The following TMEM151B variants were observed in gnomAD, a reference collection of about 807,000 sequenced individuals.
TMEM151B encodes the protein transmembrane protein 193.
A neutral mutation model predicts 33.0 loss-of-function variants in TMEM151B; 18 were observed. The observed-to-expected ratio is 0.55, with a 90% CI of 0.38 to 0.81. TMEM151B has a LOEUF of 0.81. Among genes scored for constraint, TMEM151B ranks in the 30% least tolerant of loss-of-function variants. TMEM151B has a pLI of 0.00. For missense variants in TMEM151B, 672 were observed against 843.4 expected (o/e 0.80, Z 2.52); for synonymous variants, 354 against 373.6 (o/e 0.95, Z 0.61).
Position 44,273,161 on chromosome 6 carries a change from G to A in TMEM151B, c.231G>A (p.Gly77=), listed in dbSNP as rs752484574. The part of the protein sequence containing the change: ...LLSLLMYGCL[G]AVAWCHVTTV... ...CGCTGCTCATGTACGGCTGCCTGGGGGCAGTGGCCTGGTGCCACGTCACCA... is the reference window on the plus strand; with the variant it reads ...CGCTGCTCATGTACGGCTGCCTGGGAGCAGTGGCCTGGTGCCACGTCACCA... The change falls in exon 2 of 3, where the codon GGG becomes GGA. Residue 77 remains glycine, a synonymous_variant. Coordinates refer to ENST00000451188, the MANE Select transcript of TMEM151B (RefSeq NM_001137560.2). 1.9e-6 allele frequency: 3 copies of A among 1,545,332 alleles called. No individual in the cohort carries two copies. The highest frequency in any genetic ancestry group is 4.9e-5 in the East Asian group (2 of 40,766).
Position 44,276,991 on chromosome 6 carries a change from G to C in TMEM151B, c.*464G>C, listed in dbSNP as rs1340827293. 6.5e-6 allele frequency: 1 copy of C among 154,600 alleles called. No homozygotes were observed. The highest frequency in any genetic ancestry group is 2.4e-5 in the African/African-American group (1 of 41,564). The allele number at this position is 154,600 out of a possible 1,614,324, so 9.6% of individuals were successfully genotyped here. On this transcript the variant is annotated 3_prime_UTR_variant, in exon 3 of 3. Transcript: ENST00000451188. ...CCCTGGGGCCTCTCTCTATGGAGGG[G>C]GCAATGGTTTGGTGACCAGCAGGCT...
chr6:44,274,198 A>AAAAAAT (rs1189024804), intron 2 of TMEM151B, among the ~76,000 whole-genome samples: 1 of 152,220 alleles, frequency 6.6e-6, no homozygotes, highest in Non-Finnish European at 1.5e-5. Context: ...ATCTCAAAAA[A>AAAAAAT]AAAAATAAAA....
At chr6:44,274,889 C>T (rs1561917811) in intron 2 of TMEM151B, among the ~76,000 whole-genome samples, 1 of 151,996 alleles carries the variant, frequency 6.6e-6, no homozygotes, top group Non-Finnish European at 1.5e-5. Flanking sequence ...GAGGCCGAGG[C>T]GGGTGGATCA....
chr6:44,271,028 C>G (rs563050616), intron 1 of TMEM151B, among the ~76,000 whole-genome samples, 151 bp downstream of exon 1: 3 of 149,060 alleles, frequency 2.0e-5, no homozygotes, highest in Non-Finnish European at 3.0e-5. Flanking sequence ...CCGCCGCCCC[C>G]ACCCGGCGGC....
Position 44,273,476 on chromosome 6 carries a change from C to A in TMEM151B, c.546C>A (p.Tyr182Ter), listed in dbSNP as rs1332120643. ...GCCGCACCCGCCAGGTCACCAGATA[C>A]CGCAATGGAGACGCCTATACCACCA... is the stretch of plus-strand genomic sequence containing the variant. ...YVRRTRQVTR[Y>*]RNGDAYTTTQ... The change falls in exon 2 of 3, where the codon TAC (tyrosine) becomes TAA (stop). Residue 182 changes from tyrosine to a stop codon, truncating the protein, a stop_gained. Transcript: ENST00000451188. LOFTEE classifies it high-confidence loss of function. 1.9e-6 allele frequency: 3 copies of A among 1,549,970 alleles called. No homozygotes were observed. Among genetic ancestry groups the A allele is most frequent in the Non-Finnish European group, 2.6e-6 (3 of 1,146,278 alleles).
In TMEM151B at chr6:44,276,469, T is replaced by A. The variant is rs1282305440; in HGVS notation, c.1643T>A (p.Leu548Gln). 2.0e-6 allele frequency: 3 copies of A among 1,473,148 alleles called. No homozygotes were observed. The highest frequency in any genetic ancestry group is 2.9e-5 in the African/African-American group (2 of 69,306). The allele number at this position is 1,473,148 out of a possible 1,614,324, so 91.3% of individuals were successfully genotyped here. ...ATCGTCCACCGGCAGGAGGGGTGTCTGGGCCACAGCCACCGGCCGCTGCAC... is the reference window on the plus strand; with the variant it reads ...ATCGTCCACCGGCAGGAGGGGTGTCAGGGCCACAGCCACCGGCCGCTGCAC... ...VLIVHRQEGC[L>Q]GHSHRPLHRH... Residue 548 changes from leucine (L) to glutamine (Q), a missense_variant, in exon 3 of 3, where the codon CTG becomes CAG. By Grantham distance (113) the Leu-to-Gln change is moderately radical (BLOSUM62 -2). This residue lies in a region of TMEM151B where 324 missense variants were observed against 363.1 expected (regional missense o/e 0.89). Transcript: ENST00000451188.
Position 44,273,400 on chromosome 6 carries a change from A to G in TMEM151B, c.470A>G (p.Gln157Arg), listed in dbSNP as rs1000558130. ...SSVRERVGRM[Q>R]QATPCIWWKA... ...GTGCGGGAACGTGTGGGCCGCATGC[A>G]GCAAGCCACGCCCTGCATCTGGTGG... Residue 157 changes from glutamine (Q) to arginine (R), a missense_variant, in exon 2 of 3, where the codon CAG (glutamine) becomes CGG (arginine). Transcript: ENST00000451188. The G allele has an allele frequency of 3.5e-5, 55 of 1,551,136 alleles. No individual in the cohort carries two copies. Among genetic ancestry groups the G allele is most frequent in the Non-Finnish European group, 4.7e-5 (54 of 1,147,004 alleles).
chr6:44,272,381 C>T (rs1782398195), intron 1 of TMEM151B, among the ~76,000 whole-genome samples: 1 of 152,056 alleles, frequency 6.6e-6, no homozygotes, highest in Admixed American at 6.6e-5. Context: ...GAGGGAGACT[C>T]ACAGGGGAAC....
rs1561918138 is a variant in TMEM151B, at chr6:44,275,459, C to T, written c.633C>T (p.Arg211=). ...CGGAGGCTGAGTTCGACTACGCGCG[C>T]TGCGGCGTTCGCGACGTGTCCAAGA... The part of the protein sequence containing the change: ...HVAEAEFDYA[R]CGVRDVSKTL... The change falls in exon 3 of 3, where the codon CGC becomes CGT. Residue 211 remains arginine, a synonymous_variant. Coordinates refer to ENST00000451188, the MANE Select transcript of TMEM151B (RefSeq NM_001137560.2). 1.9e-6 allele frequency: 3 copies of T among 1,544,948 alleles called. No individual in the cohort carries two copies. Among genetic ancestry groups the T allele is most frequent in the South Asian group, 2.4e-5 (2 of 83,870 alleles).
rs1463380672 is a variant in TMEM151B at position 44,270,972 on chromosome 6, G to GCCGGCGCCCCGCAC, written c.135+98_135+111dup. 3.4e-6 allele frequency: 3 copies of GCCGGCGCCCCGCAC among 889,842 alleles called. No individual in the cohort carries two copies. The African/African-American group carries it at 5.5e-5, about 16-fold the overall frequency. 55.1% of individuals were successfully genotyped at this position (889,842 alleles called of 1,614,324 possible). ...CCCCCGCTGGTTCCGCCGCAGCGCGGCCGGCGCCCCGCACCCCGAGCCGGC... is the reference window on the plus strand; with the variant it reads ...CCCCCGCTGGTTCCGCCGCAGCGCGGCCGGCGCCCCGCACCCGGCGCCCCGCACCCCGAGCCGGC... On this transcript the variant is annotated intron_variant, in intron 1 of 2. Coordinates refer to ENST00000451188, the MANE Select transcript of TMEM151B (RefSeq NM_001137560.2).
intron 2 of TMEM151B, 129 bp from the exon 3 acceptor site, chr6:44,275,274 T>A (rs1043043295): frequency 1.4e-6 from 2 of 1,424,422 alleles, no homozygotes; most frequent in African/African-American, 2.9e-5. Context: ...AGCCGGCACC[T>A]AAACCAAGAC....
At chr6:44,272,907 A>G (rs897333793) in intron 1 of TMEM151B, among the ~76,000 whole-genome samples, 159 bp from the exon 2 acceptor site, 7 of 151,354 alleles carry the variant, frequency 4.6e-5, no homozygotes, top group Non-Finnish European at 8.8e-5. Flanking sequence ...CCTGGCTCCC[A>G]TCTTGGTCTC....
rs750035513 is a variant in TMEM151B, at chr6:44,275,723, G to C, written c.897G>C (p.Ser299=). The C allele has an allele frequency of 1.9e-6, 3 of 1,549,048 alleles. No homozygotes were observed. Among genetic ancestry groups the C allele is most frequent in the African/African-American group, 2.7e-5 (2 of 73,014 alleles). The change falls in exon 3 of 3, where the codon TCG becomes TCC. Residue 299 remains serine, a synonymous_variant. Transcript: ENST00000451188. The stretch of plus-strand genomic sequence containing the variant: ...CCCGGCCGCCCTGGTACGCCTGCTC[G>C]TCGGCCTTCTGGGCCGCGGCGCTGC... The part of the protein sequence containing the change: ...DPARPPWYAC[S]SAFWAAALLT...
Position 44,275,994 on chromosome 6 carries a change from G to A in TMEM151B, c.1168G>A (p.Ala390Thr). 7.0e-7 allele frequency: 1 copy of A among 1,431,854 alleles called. No homozygotes were observed. Among genetic ancestry groups the A allele is most frequent in the East Asian group, 2.7e-5 (1 of 37,732 alleles). The allele number at this position is 1,431,854 out of a possible 1,614,324, so 88.7% of individuals were successfully genotyped here. ...GCAGCTGGTGCCCAGCTACTCTGAGGCGGTGCTCATGGACCTGGCGGGGCT... is the reference window on the plus strand; with the variant it reads ...GCAGCTGGTGCCCAGCTACTCTGAGACGGTGCTCATGGACCTGGCGGGGCT... ...NQQLVPSYSE[A>T]VLMDLAGLGT... The change falls in exon 3 of 3, where the codon GCG (alanine) becomes ACG (threonine). Residue 390 changes from alanine to threonine, a missense_variant. By Grantham distance (58) the Ala-to-Thr change is moderately conservative. This residue lies in a region of TMEM151B where 324 missense variants were observed against 363.1 expected (regional missense o/e 0.89). Coordinates refer to ENST00000451188, the MANE Select transcript of TMEM151B (RefSeq NM_001137560.2).
Position 44,276,572 on chromosome 6 carries a change from C to T in TMEM151B, c.*45C>T, listed in dbSNP as rs1442353078. On this transcript the variant is annotated 3_prime_UTR_variant, in exon 3 of 3. Transcript: ENST00000451188. The stretch of plus-strand genomic sequence containing the variant: ...CCGCGCCGTCCTCCCGCCTGCCCCT[C>T]GCCGGACTGTGCTCCCTCTGCGACG... The T allele has an allele frequency of 1.5e-6, 2 of 1,330,942 alleles. No homozygotes were observed. The highest frequency in any genetic ancestry group is 1.5e-5 in the African/African-American group (1 of 65,308). The allele number at this position is 1,330,942 out of a possible 1,614,324, so 82.4% of individuals were successfully genotyped here.
At chr6:44,271,366 T>TGTGTGGGG (rs1782337889) in intron 1 of TMEM151B, among the ~76,000 whole-genome samples, 2 of 34,664 alleles carry the variant, frequency 5.8e-5, no homozygotes, top group Non-Finnish European at 1.0e-4. Flanking sequence ...TGTGTGTGTG[T>TGTGTGGGG]GTGGGGGGGG....
Position 44,276,822 on chromosome 6 carries a change from C to A in TMEM151B, c.*295C>A. The A allele has an allele frequency of 2.6e-6, 1 of 378,022 alleles. No individual in the cohort carries two copies. The highest frequency in any genetic ancestry group is 4.8e-5 in the East Asian group (1 of 20,930). 23.4% of individuals were successfully genotyped at this position (378,022 alleles called of 1,614,324 possible). A position where few individuals can be genotyped will look rare whatever the true frequency, so the allele number is the denominator to read the frequency against. ...GACACCTCCCTCCTGTCCAGCCCTT[C>A]AACAGATCTTCTGTTAGATGACAAC... On this transcript the variant is annotated 3_prime_UTR_variant, in exon 3 of 3. Transcript: ENST00000451188.
Position 44,276,601 on chromosome 6 carries a change from G to C in TMEM151B, c.*74G>C. ...GGACTGTGCTCCCTCTGCGACGCAG[G>C]GCGAGTCACCACGGTGACTGAGGCC... is the stretch of plus-strand genomic sequence containing the variant. On this transcript the variant is annotated 3_prime_UTR_variant, in exon 3 of 3. Coordinates refer to ENST00000451188, the MANE Select transcript of TMEM151B (RefSeq NM_001137560.2). 7.7e-7 allele frequency: 1 copy of C among 1,299,728 alleles called. No individual in the cohort carries two copies. The highest frequency in any genetic ancestry group is 9.8e-7 in the Non-Finnish European group (1 of 1,023,708). The allele number at this position is 1,299,728 out of a possible 1,614,324, so 80.5% of individuals were successfully genotyped here.
rs55699643 is a variant in TMEM151B at position 44,275,117 on chromosome 6, CAAAAAAAA to C, written c.577-274_577-267del. Among the ~76,000 whole-genome samples, 16 of 111,808 alleles carry C rather than the reference CAAAAAAAA, an allele frequency of 1.4e-4. No homozygotes were observed. In the South Asian group the frequency reaches 2.6e-3, roughly 18 times the overall value. 73.4% of individuals were successfully genotyped at this position (111,808 alleles called of 152,430 possible). A position where few individuals can be genotyped will look rare whatever the true frequency, so the allele number is the denominator to read the frequency against. ...TGGGCGACAGAGCCAGACTCCATCT[CAAAAAAAA>C]AAAAAAAAAAAGAAAAAGAAAAAGA... On this transcript the variant is annotated intron_variant, in intron 2 of 2. Transcript: ENST00000451188.
Sources: gnomAD v4.1 joint callset for allele counts (sites outside exome capture counted in the v4.1 genomes callset) on GRCh38, gnomAD v4.1.1 for gene constraint, gnomAD v4.1.1 regional missense constraint, MANE v1.5 for transcripts, NCBI Gene and HGNC (gene_info 2026-07-23, HGNC 2026-07-21) for gene names.